RS1: variants seen among roughly 807,000 people sequenced by gnomAD.
The protein encoded by RS1 is retinoschisin 1, also known as retinoschisin.
A neutral mutation model predicts 20.8 loss-of-function variants in RS1; 2 were observed. The observed-to-expected ratio is 0.10, with a 90% CI of 0.04 to 0.30. The LOEUF (loss-of-function observed/expected upper bound fraction) is 0.30, where lower values mean the gene tolerates loss of function less well. RS1 is among the 10% of genes least tolerant of loss of function. The pLI, the probability that RS1 is intolerant of heterozygous loss-of-function variation, is 1.00. For missense variants in RS1, 151 were observed against 189.8 expected (o/e 0.80, Z 1.20); for synonymous variants, 70 against 75.8 (o/e 0.92, Z 0.40).
intron 1 of RS1, among the ~76,000 whole-genome samples, chrX:18,667,450 G>T (rs1928422531): frequency 9.2e-6 from 1 of 108,874 alleles, no homozygotes; most frequent in African/African-American, 3.4e-5. Flanking sequence ...GAGGCTGAGG[G>T]AGGAGAATCG....
At chrX:18,658,657 A>G (rs1361301675) in intron 1 of RS1, among the ~76,000 whole-genome samples, 1 of 110,568 alleles carries the variant, frequency 9.0e-6, no homozygotes, top group African/African-American at 3.3e-5. Flanking sequence ...GGGTTTTGCT[A>G]TGTTGGCCAG....
At chrX:18,659,101 A>T in intron 1 of RS1, among the ~76,000 whole-genome samples, 1 of 111,873 alleles carries the variant, frequency 8.9e-6, no homozygotes, top group Non-Finnish European at 1.9e-5. Flanking sequence ...GAGTTTGCAT[A>T]TATTAGCAGA....
chrX:18,652,499 T>G (rs1167712497), intron 3 of RS1, among the ~76,000 whole-genome samples: 1 of 111,333 alleles, frequency 9.0e-6, no homozygotes, highest in African/African-American at 3.3e-5. Flanking sequence ...TGAAACCCCA[T>G]CTCTACTAAA....
chrX:18,666,607 G>A (rs753573339), intron 1 of RS1, among the ~76,000 whole-genome samples: 1 of 111,816 alleles, frequency 8.9e-6, no homozygotes, highest in South Asian at 3.8e-4. Context: ...CTGGTACAAT[G>A]TTGTGGACCG....
intron 3 of RS1, among the ~76,000 whole-genome samples, chrX:18,653,819 T>C (rs1928153956): frequency 9.2e-6 from 1 of 109,247 alleles, no homozygotes; most frequent in Admixed American, 9.8e-5. Context: ...ATACAAAAAA[T>C]TAGCTGGGCG....
intron 3 of RS1, among the ~76,000 whole-genome samples, chrX:18,652,718 T>C (rs1172463012): frequency 8.9e-6 from 1 of 111,961 alleles, no homozygotes. Context: ...GAATATGACC[T>C]TCCCAAGTTT....
At chrX:18,643,646 G>A (rs1451849397) in intron 5 of RS1, among the ~76,000 whole-genome samples, 5 of 111,846 alleles carry the variant, frequency 4.5e-5, no homozygotes, top group African/African-American at 1.6e-4. Flanking sequence ...AACAACCCAT[G>A]AACGTCTTGG....
At chrX:18,651,141 C>CG (rs1479774245) in intron 3 of RS1, among the ~76,000 whole-genome samples, 10 of 103,198 alleles carry the variant, frequency 9.7e-5, no homozygotes, top group Admixed American at 1.1e-4. Context: ...CCGCACCCCC[C>CG]GCCACACCCT....
rs1057522669 is a variant in RS1 at position 18,650,441 on chromosome X, G to A, written c.185-3109C>T. The A allele has an allele frequency of 4.1e-6, 5 of 1,211,872 alleles. No individual in the cohort carries two copies. Among genetic ancestry groups the A allele is most frequent in the Admixed American group, 2.2e-5 (1 of 46,076 alleles). ...ACTTCTGCTGTGGTGACCCAAAGAAGCCTCACACTCCGTGCGTCCCAAACC... is the reference window on the plus strand; with the variant it reads ...ACTTCTGCTGTGGTGACCCAAAGAAACCTCACACTCCGTGCGTCCCAAACC... On this transcript the variant is annotated intron_variant, in intron 3 of 5. Transcript: ENST00000379984.
chrX:18,657,005 C>T (rs2147203221), intron 2 of RS1, among the ~76,000 whole-genome samples: 1 of 110,612 alleles, frequency 9.0e-6, no homozygotes, highest in Admixed American at 9.7e-5. Context: ...CTAGAGGGCA[C>T]CGTTCACCCC....
rs1927562650 is a variant in RS1, at chrX:18,641,178, A to C, written c.*826T>G. ...AAATGGTAGCCCTAGGTAAAGGGCA[A>C]TTGTACTGTGTTGTGGTCATTTGGG... On this transcript the variant is annotated 3_prime_UTR_variant, in exon 6 of 6. Transcript: ENST00000379984. The C allele has an allele frequency of 8.9e-6, 1 of 112,149 alleles. No individual in the cohort carries two copies. The highest frequency in any genetic ancestry group is 3.2e-5 in the African/African-American group (1 of 30,819). 9.2% of individuals were successfully genotyped at this position (112,149 alleles called of 1,213,427 possible).
At chrX:18,663,532 A>T (rs750505342) in intron 1 of RS1, among the ~76,000 whole-genome samples, 39 of 108,095 alleles carry the variant, frequency 3.6e-4, no homozygotes, top group East Asian at 3.2e-3. Context: ...TTTTATAGAG[A>T]TGGAGGTCTC....
rs762576315 is a variant in RS1, at chrX:18,653,534, C to T, written c.184+3119G>A. The T allele has an allele frequency of 3.0e-5, 36 of 1,210,346 alleles. No individual in the cohort carries two copies. The highest frequency in any genetic ancestry group is 4.6e-4 in the Middle Eastern group (2 of 4,340). ...ACATACCATGAGAATGCGGCACTGA[C>T]GGGCAAGTGACTTCTGCAAGCCTGC... On this transcript the variant is annotated intron_variant, in intron 3 of 5. Coordinates refer to ENST00000379984, the MANE Select transcript of RS1 (RefSeq NM_000330.4).
Position 18,665,234 on chromosome X carries a change from G to A in RS1, c.52+6783C>T, listed in dbSNP as rs754951762. Among the ~76,000 whole-genome samples, 3 of 112,020 alleles carry A rather than the reference G, an allele frequency of 2.7e-5. No homozygotes were observed. In the South Asian group the frequency reaches 1.1e-3, roughly 42 times the overall value. On this transcript the variant is annotated intron_variant, in intron 1 of 5. Transcript: ENST00000379984. Reference sequence around the variant, plus strand: ...GAGACTTGTCTCTTTCATCCTCCACGCTGCTGAGGCAGTGAGGTGCAAACC... The same window carrying A: ...GAGACTTGTCTCTTTCATCCTCCACACTGCTGAGGCAGTGAGGTGCAAACC...
intron 2 of RS1, 68 bp from the exon 3 acceptor site, chrX:18,656,826 G>T: frequency 1.2e-6 from 1 of 864,415 alleles, no homozygotes; most frequent in Non-Finnish European, 1.7e-6. Context: ...CCCCCACGGA[G>T]TGATCACACT....
At position 18,653,446 on chromosome X, in the gene RS1, G is replaced by A. The variant is rs35693326; in HGVS notation, c.184+3207C>T. 6,829 of 1,209,251 alleles carry A rather than the reference G, an allele frequency of 5.6e-3. 257 individuals carry two copies. The African/African-American group carries it at 0.1, about 18-fold the overall frequency. On this transcript the variant is annotated intron_variant, in intron 3 of 5. Coordinates refer to ENST00000379984, the MANE Select transcript of RS1 (RefSeq NM_000330.4). ...GTGCTTTCCAGGGTTCTCTTTCTTC[G>A]TGAGACACGTTATGAGGGAAGCCCT...
At chrX:18,653,699 T>A in intron 3 of RS1, 1 of 778,047 alleles carries the variant, frequency 1.3e-6, no homozygotes, top group Non-Finnish European at 1.9e-6. Context: ...CCAGGTGCAG[T>A]GGCTCACGCC....
chrX:18,647,077 A>G (rs1229158862), intron 4 of RS1, 114 bp downstream of exon 4: 1 of 865,567 alleles, frequency 1.2e-6, no homozygotes, highest in South Asian at 2.1e-5. Context: ...CCACCACGCC[A>G]GTTAATTTTT....
chrX:18,664,800 G>T lies in RS1; in HGVS notation c.53-7135C>A, dbSNP rs767351812. Among the ~76,000 whole-genome samples, 3 of 110,715 alleles carry T rather than the reference G, an allele frequency of 2.7e-5. No homozygotes were observed. The South Asian group carries it at 1.2e-3, about 43-fold the overall frequency. On this transcript the variant is annotated intron_variant, in intron 1 of 5. Coordinates refer to ENST00000379984, the MANE Select transcript of RS1 (RefSeq NM_000330.4). The stretch of plus-strand genomic sequence containing the variant: ...TGCTATCTCACCTCACTGCAGCCTC[G>T]ACCTCCTGGGCTCAAGCAGTCTTCC...
Sources: allele counts gnomAD v4.1 joint callset (sites outside exome capture counted in the v4.1 genomes callset), GRCh38; gene constraint gnomAD v4.1.1; transcripts MANE v1.5; gene names NCBI Gene and HGNC (gene_info 2026-07-23, HGNC 2026-07-21).